Variants in UMODL1 observed in about 807,000 individuals in gnomAD.
The protein encoded by UMODL1 is uromodulin-like 1.
In UMODL1, 128 loss-of-function variants were observed where a neutral mutation model predicts 136.3. The observed-to-expected ratio is 0.94, with a 90% CI of 0.81 to 1.09. The LOEUF is 1.09. UMODL1 is among the 50% of genes least tolerant of loss of function. The pLI is 0.00. For missense variants in UMODL1, 1,766 were observed against 1,725.6 expected (o/e 1.02, Z -0.41); for synonymous variants, 721 against 720.0 (o/e 1.00, Z -0.02).
intron 14 of UMODL1, among the ~76,000 whole-genome samples, chr21:42,118,508 G>A (rs78154222): frequency 0.015 from 2,243 of 152,336 alleles, 35 homozygotes; most frequent in African/African-American, 0.034. Flanking sequence ...TATAGCGTGT[G>A]GTGTGTGACT....
At chr21:42,071,450 G>A in intron 1 of UMODL1, 58 bp downstream of exon 1, 1 of 1,468,272 alleles carries the variant, frequency 6.8e-7, no homozygotes, top group Non-Finnish European at 9.0e-7. Flanking sequence ...CCTGGCATGG[G>A]TCTCATGAGG....
chr21:42,127,738 G>A lies in UMODL1; in HGVS notation c.3597G>A (p.Lys1199=), dbSNP rs1449948336. 6.8e-6 allele frequency: 11 copies of A among 1,614,220 alleles called. No individual in the cohort carries two copies. Among genetic ancestry groups the A allele is most frequent in the Middle Eastern group, 1.6e-4 (1 of 6,062 alleles). The change falls in exon 20 of 23, where the codon AAG becomes AAA. Residue 1199 remains lysine (K), a synonymous_variant. Coordinates refer to ENST00000408910, the MANE Select transcript of UMODL1 (RefSeq NM_001004416.3). ...GCAACTCCAATAAGGCCCAGTTCAA[G>A]CTGAGGATCTTTTCCTTTATCAACG... ...ENGNSNKAQF[K]LRIFSFINDS... is the part of the protein sequence containing the mutation.
intron 12 of UMODL1, 143 bp from the exon 13 acceptor site, chr21:42,113,430 A>G (rs2066862270): frequency 1.0e-6 from 1 of 992,622 alleles, no homozygotes; most frequent in Admixed American, 2.7e-5. Context: ...ACAGGATCCT[A>G]CTCACCCATC....
intron 2 of UMODL1, among the ~76,000 whole-genome samples, chr21:42,082,790 C>T (rs998420030): frequency 6.6e-6 from 1 of 152,230 alleles, no homozygotes; most frequent in Non-Finnish European, 1.5e-5. Flanking sequence ...CTCCTGACCC[C>T]TGGGGTTCGG....
At chr21:42,141,606 T>C (rs1441717849) in intron 22 of UMODL1, among the ~76,000 whole-genome samples, 2 of 152,192 alleles carry the variant, frequency 1.3e-5, no homozygotes, top group African/African-American at 4.8e-5. Context: ...TGGCCTCTTG[T>C]CTTTCTTTGT....
At chr21:42,139,706 C>T (rs1005144235) in intron 22 of UMODL1, among the ~76,000 whole-genome samples, 12 of 152,108 alleles carry the variant, frequency 7.9e-5, no homozygotes, top group Middle Eastern at 3.2e-3. Flanking sequence ...TTGGCCTCAT[C>T]GCTGGGATTC....
At chr21:42,131,293 C>T (rs2067130698) in intron 21 of UMODL1, among the ~76,000 whole-genome samples, 1 of 152,044 alleles carries the variant, frequency 6.6e-6, no homozygotes, top group African/African-American at 2.4e-5. Context: ...ATGAGAACTT[C>T]TGGGGTTTGG....
chr21:42,124,538 G>T (rs2067026000), intron 17 of UMODL1, among the ~76,000 whole-genome samples: 2 of 152,344 alleles, frequency 1.3e-5, no homozygotes, highest in South Asian at 4.1e-4. Flanking sequence ...GTTCTGGTCA[G>T]GTGGGCAGGG....
chr21:42,077,277 T>C (rs113744577), intron 2 of UMODL1, among the ~76,000 whole-genome samples: 2,051 of 151,928 alleles, frequency 0.013, 22 homozygotes, highest in Non-Finnish European at 0.018. Context: ...GCAGGACCCA[T>C]CCTTGTGGCC....
chr21:42,105,943 T>C (rs1409846583), intron 9 of UMODL1, among the ~76,000 whole-genome samples: 1 of 152,238 alleles, frequency 6.6e-6, no homozygotes, highest in Admixed American at 6.5e-5. Context: ...CGCTGTTCAG[T>C]GGTCCTGCAG....
Position 42,109,699 on chromosome 21 carries a change from G to T in UMODL1, c.1657G>T (p.Gly553Cys). ...CTCCCGCGCAGGCCGGGCCTGTGAG[G>T]GTACGTGTCGACCCCCCTGCCGACT... The part of the protein sequence containing the change: ...TPSRAGRACE[G>C]DLVSPMGGGL... Residue 553 changes from glycine to cysteine, a missense_variant and splice_region_variant, in exon 10 of 23, where the codon GGT (glycine) becomes TGT (cysteine). Physicochemically the swap from Gly to Cys is radical, Grantham distance 159. Coordinates refer to ENST00000408910, the MANE Select transcript of UMODL1 (RefSeq NM_001004416.3). 6.2e-7 allele frequency: 1 copy of T among 1,601,256 alleles called. No homozygotes were observed. The highest frequency in any genetic ancestry group is 8.5e-7 in the Non-Finnish European group (1 of 1,179,824).
rs979010316 is a variant in UMODL1, at chr21:42,127,685, A to G, written c.3544A>G (p.Asn1182Asp). ...CTCTCTTCTCAGCTGCCCTGTGCCC[A>G]ACACATACACCAACGTGATTGAGAA... ...SFINNSCPVP[N>D]TYTNVIENGN... The change falls in exon 20 of 23, where the codon AAC becomes GAC. Residue 1182 changes from asparagine to aspartate, a missense_variant. Asn to Asp is a conservative substitution (Grantham distance 23, BLOSUM62 1). Transcript: ENST00000408910. The G allele has an allele frequency of 6.2e-7, 1 of 1,613,888 alleles. No homozygotes were observed. The highest frequency in any genetic ancestry group is 1.7e-5 in the Admixed American group (1 of 59,934).
Position 42,076,099 on chromosome 21 carries a change from C to G in UMODL1, c.171C>G (p.Ser57=). The G allele has an allele frequency of 6.2e-7, 1 of 1,614,260 alleles. No homozygotes were observed. The highest frequency in any genetic ancestry group is 1.1e-5 in the South Asian group (1 of 91,088). Residue 57 remains serine (S), a synonymous_variant, in exon 2 of 23, where the codon TCC becomes TCG. Coordinates refer to ENST00000408910, the MANE Select transcript of UMODL1 (RefSeq NM_001004416.3). Reference sequence around the variant, plus strand: ...AGGCCGTGCAGACGTCCTACACGTCCTATGTGTCCTGCGGCGGCTGGATCC... The same window carrying G: ...AGGCCGTGCAGACGTCCTACACGTCGTATGTGTCCTGCGGCGGCTGGATCC... ...KVEAVQTSYT[S]YVSCGGWIPW...
Position 42,137,621 on chromosome 21 carries a change from G to T in UMODL1, c.*1G>T, listed in dbSNP as rs191752976. The T allele has an allele frequency of 9.1e-5, 147 of 1,612,716 alleles. No individual in the cohort carries two copies. The African/African-American group carries it at 1.7e-3, about 19-fold the overall frequency. On this transcript the variant is annotated 3_prime_UTR_variant, in exon 22 of 23. Coordinates refer to ENST00000408910, the MANE Select transcript of UMODL1 (RefSeq NM_001004416.3). ...CAGCTACCAGGTGTTCTACGAATAG[G>T]AGGCGCAGGCTGACAGGAAGGTGGG...
At chr21:42,082,736 A>G (rs1476473725) in intron 2 of UMODL1, among the ~76,000 whole-genome samples, 2 of 152,218 alleles carry the variant, frequency 1.3e-5, no homozygotes, top group South Asian at 4.1e-4. Flanking sequence ...GTCTTGGCAA[A>G]GGCACACTGC....
chr21:42,096,644 G>T (rs1320025057), intron 6 of UMODL1, among the ~76,000 whole-genome samples: 1 of 152,108 alleles, frequency 6.6e-6, no homozygotes, highest in South Asian at 2.1e-4. Context: ...GTGCTCTCTC[G>T]CTCTGCGTCA....
intron 1 of UMODL1, among the ~76,000 whole-genome samples, chr21:42,075,249 G>A (rs555207929): frequency 2.0e-5 from 3 of 151,808 alleles, no homozygotes; most frequent in East Asian, 3.9e-4. Context: ...GATGGGGGGG[G>A]GGTTTCACCA....
intron 12 of UMODL1, among the ~76,000 whole-genome samples, 165 bp from the exon 13 acceptor site, chr21:42,113,408 T>C (rs1693019197): frequency 6.6e-6 from 1 of 152,194 alleles, no homozygotes; most frequent in Admixed American, 6.5e-5. Flanking sequence ...AGCCCGGGCT[T>C]GGGAGGTTTG....
At chr21:42,106,352 C>A (rs1249706219) in intron 9 of UMODL1, among the ~76,000 whole-genome samples, 1 of 152,188 alleles carries the variant, frequency 6.6e-6, no homozygotes, top group Admixed American at 6.5e-5. Context: ...AACGAAAACA[C>A]AAAAAGAGCT....
Sources: allele counts gnomAD v4.1 joint callset (sites outside exome capture counted in the v4.1 genomes callset), GRCh38; gene constraint gnomAD v4.1.1; transcripts MANE v1.5; gene names NCBI Gene and HGNC (gene_info 2026-07-23, HGNC 2026-07-21).